The following ARB2A variants were observed in gnomAD, a reference collection of about 807,000 sequenced individuals.
ARB2A encodes ARB2 cotranscriptional regulator A.
At chr5:93,621,189 C>A in the ARB2A span, 3 of 1,498,354 alleles carry the variant, frequency 2.0e-6, no homozygotes, top group East Asian at 2.7e-5. Flanking sequence ...GCGGTGAGGG[C>A]GGCGAGGGCC....
At chr5:94,073,367 TG>T in the ARB2A span, among the ~76,000 whole-genome samples, 1 of 152,080 alleles carries the variant, frequency 6.6e-6, no homozygotes, top group South Asian at 2.1e-4. Context: ...AACTTGCCCA[TG>T]GTAAGAAGGA....
the ARB2A span, among the ~76,000 whole-genome samples, chr5:93,672,503 T>G: frequency 6.6e-6 from 1 of 151,860 alleles, no homozygotes. Flanking sequence ...AGAGACGGGG[T>G]TTCACCATGT....
chr5:93,821,144 C>T, the ARB2A span, among the ~76,000 whole-genome samples: 4 of 152,100 alleles, frequency 2.6e-5, no homozygotes. Context: ...TAAGTAATTG[C>T]ATTTACTGGT....
chr5:94,025,291 G>C, the ARB2A span, among the ~76,000 whole-genome samples: 1 of 152,228 alleles, frequency 6.6e-6, no homozygotes, highest in Non-Finnish European at 1.5e-5. Context: ...TTTGGTTCCT[G>C]AGGAGGGCTC....
At chr5:93,909,157 A>C in the ARB2A span, among the ~76,000 whole-genome samples, 35 of 151,238 alleles carry the variant, frequency 2.3e-4, no homozygotes, top group Middle Eastern at 6.8e-3. Context: ...AAAAATCATT[A>C]CTTAATGACA....
At chr5:93,624,396 A>G in the ARB2A span, among the ~76,000 whole-genome samples, 1 of 152,182 alleles carries the variant, frequency 6.6e-6, no homozygotes, top group Non-Finnish European at 1.5e-5. Context: ...CCTAATTTAG[A>G]GAGTTTCACA....
the ARB2A span, among the ~76,000 whole-genome samples, chr5:93,922,766 A>G: frequency 6.6e-6 from 1 of 151,944 alleles, no homozygotes; most frequent in African/African-American, 2.4e-5. Flanking sequence ...AAAAAGACAT[A>G]GAAGATACAG....
chr5:94,059,343 C>T, the ARB2A span, among the ~76,000 whole-genome samples: 444 of 151,876 alleles, frequency 2.9e-3, 2 homozygotes, highest in African/African-American at 0.011. Flanking sequence ...AATCTTAGGG[C>T]CAGGCGTGGT....
the ARB2A span, among the ~76,000 whole-genome samples, chr5:93,648,562 A>C: frequency 6.6e-6 from 1 of 152,220 alleles, no homozygotes; most frequent in African/African-American, 2.4e-5. Flanking sequence ...TTCTAGTAAA[A>C]GAGTTGATGG....
the ARB2A span, chr5:93,824,141 C>A: frequency 6.4e-7 from 1 of 1,572,644 alleles, no homozygotes. Flanking sequence ...GTAAAATAAG[C>A]ACTTACCAGT....
At chr5:93,706,538 A>G in the ARB2A span, among the ~76,000 whole-genome samples, 2 of 152,164 alleles carry the variant, frequency 1.3e-5, no homozygotes, top group African/African-American at 2.4e-5. Context: ...AATGGCTACA[A>G]TGGTGAATTT....
At chr5:93,816,768 A>T in the ARB2A span, among the ~76,000 whole-genome samples, 25 of 152,314 alleles carry the variant, frequency 1.6e-4, no homozygotes, top group African/African-American at 5.5e-4. Context: ...ATATAAAAGG[A>T]TATAAACATT....
At chr5:93,895,010 A>G in the ARB2A span, among the ~76,000 whole-genome samples, 1 of 152,172 alleles carries the variant, frequency 6.6e-6, no homozygotes, top group Non-Finnish European at 1.5e-5. Flanking sequence ...TTTTGTAAAT[A>G]TCACAGGAAG....
the ARB2A span, among the ~76,000 whole-genome samples, chr5:93,771,746 C>A: frequency 1.3e-5 from 2 of 152,152 alleles, no homozygotes; most frequent in Non-Finnish European, 2.9e-5. Flanking sequence ...CAAATGAAAA[C>A]CACAATGGGA....
the ARB2A span, among the ~76,000 whole-genome samples, chr5:93,657,259 C>A: frequency 1.8e-4 from 28 of 152,222 alleles, no homozygotes; most frequent in Middle Eastern, 3.4e-3. Context: ...AAAAACTGCA[C>A]ATGAAGTGGG....
the ARB2A span, among the ~76,000 whole-genome samples, chr5:93,948,045 G>A: frequency 2.6e-5 from 4 of 152,080 alleles, no homozygotes; most frequent in Non-Finnish European, 4.4e-5. Flanking sequence ...GGATGGCTGG[G>A]TCAAATGGTA....
the ARB2A span, among the ~76,000 whole-genome samples, chr5:93,906,623 T>A: frequency 1.3e-5 from 2 of 151,448 alleles, no homozygotes; most frequent in Non-Finnish European, 3.0e-5. Context: ...CAGAAAAAAA[T>A]TCTTAGTATA....
At chr5:93,680,057 C>A in the ARB2A span, among the ~76,000 whole-genome samples, 1 of 152,066 alleles carries the variant, frequency 6.6e-6, no homozygotes, top group Admixed American at 6.5e-5. Context: ...CTTCTGACAA[C>A]TGGAGCTTTC....
At chr5:93,834,739 T>C in the ARB2A span, among the ~76,000 whole-genome samples, 1 of 152,190 alleles carries the variant, frequency 6.6e-6, no homozygotes, top group Non-Finnish European at 1.5e-5. Context: ...GATGATGCTA[T>C]TCCAACGCAA....
Sources: gnomAD v4.1 joint callset for allele counts (sites outside exome capture counted in the v4.1 genomes callset) on GRCh38, gnomAD v4.1.1 for gene constraint, MANE v1.5 for transcripts, NCBI Gene and HGNC (gene_info 2026-07-23, HGNC 2026-07-21) for gene names.